PPP2R3A: variants seen among roughly 807,000 people sequenced by gnomAD.
PPP2R3A encodes the protein protein phosphatase 2 regulatory subunit B''alpha.
A neutral mutation model predicts 106.9 loss-of-function variants in PPP2R3A; 80 were observed. The observed-to-expected ratio is 0.75, with a 90% CI of 0.62 to 0.90. PPP2R3A has a LOEUF of 0.90. Ranked by LOEUF, PPP2R3A falls within the 40% of genes least tolerant of loss-of-function variation. The probability of loss-of-function intolerance (pLI) is 0.00; values close to 1 mark genes in which losing one functional copy is unlikely to be tolerated. For synonymous variants in PPP2R3A, 483 were observed against 468.3 expected, an observed-to-expected ratio of 1.03 and a Z score of -0.41; for missense variants, 1,386 against 1,350.4, an observed-to-expected ratio of 1.03 and a Z score of -0.41.
intron 4 of PPP2R3A, among the ~76,000 whole-genome samples, chr3:136,043,152 TAA>T (rs953205247): frequency 3.3e-5 from 5 of 151,134 alleles, no homozygotes; most frequent in African/African-American, 1.2e-4. Flanking sequence ...GAGTCAAATA[TAA>T]AAGTCATAAG....
intron 13 of PPP2R3A, among the ~76,000 whole-genome samples, chr3:136,108,653 T>C (rs1034984363): frequency 6.6e-6 from 1 of 152,072 alleles, no homozygotes; most frequent in Admixed American, 6.5e-5. Flanking sequence ...CAGATTTGCA[T>C]TGTGAATTTA....
intron 1 of PPP2R3A, among the ~76,000 whole-genome samples, chr3:136,000,113 C>T (rs1201279370): frequency 6.6e-6 from 1 of 152,196 alleles, no homozygotes; most frequent in Non-Finnish European, 1.5e-5. Flanking sequence ...TTTCAGATGT[C>T]AGTGAGGTCT....
At chr3:136,100,630 TCA>T (rs1345896418) in intron 10 of PPP2R3A, among the ~76,000 whole-genome samples, 1 of 151,674 alleles carries the variant, frequency 6.6e-6, no homozygotes. Flanking sequence ...GGTGCCAAGA[TCA>T]CACCACTGCA....
chr3:136,078,467 T>A lies in PPP2R3A; in HGVS notation c.2631+14T>A, dbSNP rs1365772881. 4 of 1,503,778 alleles carry A rather than the reference T, an allele frequency of 2.7e-6. No individual in the cohort carries two copies. The highest frequency in any genetic ancestry group is 3.7e-6 in the Non-Finnish European group (4 of 1,085,284). 93.2% of individuals were successfully genotyped at this position (1,503,778 alleles called of 1,614,324 possible). On this transcript the variant is annotated intron_variant, in intron 7 of 13. Coordinates refer to ENST00000264977, the MANE Select transcript of PPP2R3A (RefSeq NM_002718.5). The stretch of plus-strand genomic sequence containing the variant: ...AACTTTTTGCAAGTATGCCTTTCAT[T>A]AGAATTCATGTGTAATGAGCAATTT...
chr3:136,075,952 G>A (rs762010725), intron 6 of PPP2R3A, among the ~76,000 whole-genome samples: 2 of 151,906 alleles, frequency 1.3e-5, no homozygotes, highest in Admixed American at 6.6e-5. Flanking sequence ...ATGAACTTCC[G>A]CCAAGCTAGT....
At chr3:136,080,428 G>T (rs1936746877) in intron 7 of PPP2R3A, among the ~76,000 whole-genome samples, 1 of 152,154 alleles carries the variant, frequency 6.6e-6, no homozygotes, top group African/African-American at 2.4e-5. Flanking sequence ...GGTGGATTCT[G>T]CCAAGTTACC....
chr3:136,075,751 C>T (rs1406923764), intron 6 of PPP2R3A, among the ~76,000 whole-genome samples: 2 of 151,902 alleles, frequency 1.3e-5, no homozygotes, highest in Non-Finnish European at 2.9e-5. Flanking sequence ...AAAACTCATA[C>T]TTTAAGATAA....
chr3:136,069,784 T>C (rs1048801684), intron 5 of PPP2R3A, among the ~76,000 whole-genome samples: 2 of 152,198 alleles, frequency 1.3e-5, no homozygotes, highest in Non-Finnish European at 2.9e-5. Flanking sequence ...TTAATTAATA[T>C]TGTGATTATC....
At chr3:136,065,851 T>C (rs1398350359) in intron 5 of PPP2R3A, among the ~76,000 whole-genome samples, 4 of 152,120 alleles carry the variant, frequency 2.6e-5, no homozygotes, top group Non-Finnish European at 5.9e-5. Flanking sequence ...AATTTTTACA[T>C]TTTTTATAGA....
intron 4 of PPP2R3A, among the ~76,000 whole-genome samples, chr3:136,047,623 C>T (rs1001724177): frequency 6.6e-6 from 1 of 152,250 alleles, no homozygotes; most frequent in Non-Finnish European, 1.5e-5. Context: ...GAGAACAGGC[C>T]GGGCGTGGTG....
At chr3:135,993,710 GACAAA>G (rs1288654168) in intron 1 of PPP2R3A, among the ~76,000 whole-genome samples, 6 of 152,124 alleles carry the variant, frequency 3.9e-5, no homozygotes, top group African/African-American at 1.4e-4. Flanking sequence ...CATTTGAATA[GACAAA>G]ACAAATTCTG....
chr3:135,980,791 A>G (rs1409759345), intron 1 of PPP2R3A, among the ~76,000 whole-genome samples: 1 of 151,874 alleles, frequency 6.6e-6, no homozygotes, highest in Non-Finnish European at 1.5e-5. Context: ...CAGTTCAGCT[A>G]GCTTGGTAAC....
chr3:136,039,024 C>G (rs1249743886), intron 3 of PPP2R3A, among the ~76,000 whole-genome samples: 2 of 152,180 alleles, frequency 1.3e-5, no homozygotes, highest in Non-Finnish European at 2.9e-5. Flanking sequence ...GTCCTTACCT[C>G]CCTTGGCTTG....
chr3:136,039,297 T>C (rs1032444292), intron 3 of PPP2R3A, among the ~76,000 whole-genome samples: 1 of 152,204 alleles, frequency 6.6e-6, no homozygotes, highest in Non-Finnish European at 1.5e-5. Flanking sequence ...TAACAAAATG[T>C]GACTTGTTGA....
intron 10 of PPP2R3A, among the ~76,000 whole-genome samples, chr3:136,096,712 C>G (rs1937224065): frequency 6.6e-6 from 1 of 152,196 alleles, no homozygotes; most frequent in African/African-American, 2.4e-5. Context: ...AATGGAGTTT[C>G]CAGTAACTTT....
intron 8 of PPP2R3A, among the ~76,000 whole-genome samples, chr3:136,085,666 A>G (rs1213692553): frequency 6.6e-6 from 1 of 152,210 alleles, no homozygotes; most frequent in Non-Finnish European, 1.5e-5. Context: ...ATGCCTTCTC[A>G]GGCACTGTTG....
intron 5 of PPP2R3A, chr3:136,055,911 A>G (rs1935845105): frequency 2.6e-6 from 1 of 381,780 alleles, no homozygotes; most frequent in Non-Finnish European, 4.7e-6. Context: ...TAGGCTATGC[A>G]TAGTGATTTC....
chr3:136,050,908 C>T (rs1341815457), intron 5 of PPP2R3A, among the ~76,000 whole-genome samples: 3 of 152,104 alleles, frequency 2.0e-5, no homozygotes, highest in East Asian at 1.9e-4. Flanking sequence ...TGGCACTGTG[C>T]GTATTGTAGG....
At chr3:136,140,911 TA>T (rs1249897924) in intron 13 of PPP2R3A, among the ~76,000 whole-genome samples, 3 of 152,142 alleles carry the variant, frequency 2.0e-5, no homozygotes, top group Non-Finnish European at 4.4e-5. Context: ...GTCTCAAAAA[TA>T]AATGAATGAA....
Sources: gnomAD v4.1 joint callset for allele counts (sites outside exome capture counted in the v4.1 genomes callset) on GRCh38, gnomAD v4.1.1 for gene constraint, MANE v1.5 for transcripts, NCBI Gene and HGNC (gene_info 2026-07-23, HGNC 2026-07-21) for gene names.